Variants in KATNA1 observed in about 807,000 individuals in gnomAD.
KATNA1 encodes katanin p60 ATPase-containing subunit A1.
Under a neutral mutation model 62.6 loss-of-function variants are expected in KATNA1, and 42 were observed. That is an observed-to-expected ratio of 0.67 (90% CI 0.52 to 0.87). The LOEUF is 0.87. Ranked by LOEUF, KATNA1 falls within the 40% of genes least tolerant of loss-of-function variation. The pLI, the probability that KATNA1 is intolerant of heterozygous loss-of-function variation, is 0.00. For synonymous variants in KATNA1, 186 were observed against 201.9 expected, an observed-to-expected ratio of 0.92 and a Z score of 0.67; for missense variants, 498 against 612.5, an observed-to-expected ratio of 0.81 and a Z score of 1.97.
At chr6:149,597,335 C>A in intron 9 of KATNA1, 146 bp from the exon 10 acceptor site, 1 of 1,212,430 alleles carries the variant, frequency 8.2e-7, no homozygotes, top group Non-Finnish European at 1.1e-6. Context: ...CCATTCTTTA[C>A]TTTTTAATTC....
chr6:149,639,835 T>C (rs1279966127), intron 1 of KATNA1, among the ~76,000 whole-genome samples: 1 of 152,190 alleles, frequency 6.6e-6, no homozygotes, highest in Non-Finnish European at 1.5e-5. Flanking sequence ...ATATGTCTTA[T>C]CTCTAGTAGA....
At chr6:149,614,987 G>A (rs1779106966) in intron 4 of KATNA1, among the ~76,000 whole-genome samples, 1 of 151,740 alleles carries the variant, frequency 6.6e-6, no homozygotes, top group Non-Finnish European at 1.5e-5. Flanking sequence ...ACAAAAATTA[G>A]CCAGGTGTGG....
chr6:149,599,136 A>C (rs1433003326), intron 7 of KATNA1, among the ~76,000 whole-genome samples: 2 of 152,150 alleles, frequency 1.3e-5, no homozygotes, highest in Admixed American at 1.3e-4. Flanking sequence ...AAATGCTAGG[A>C]TTACAATGAG....
At chr6:149,610,946 G>T (rs1454832894) in intron 4 of KATNA1, among the ~76,000 whole-genome samples, 1 of 152,174 alleles carries the variant, frequency 6.6e-6, no homozygotes, top group Non-Finnish European at 1.5e-5. Flanking sequence ...CTAGCCGGGC[G>T]TGGTGTTCCA....
chr6:149,615,132 C>CAAAAAAAAAAAAAAAAAAA (rs893824279), intron 4 of KATNA1, among the ~76,000 whole-genome samples: 3 of 45,644 alleles, frequency 6.6e-5, no homozygotes, highest in African/African-American at 2.4e-4. Context: ...GACTCTGTCT[C>CAAAAAAAAAAAAAAAAAAA]AAAAAAAAAA....
chr6:149,625,308 C>G (rs1373453791), intron 3 of KATNA1, among the ~76,000 whole-genome samples: 2 of 152,124 alleles, frequency 1.3e-5, no homozygotes, highest in Non-Finnish European at 2.9e-5. Flanking sequence ...AAGGGAGTAA[C>G]AATGAGAAGA....
intron 10 of KATNA1, 43 bp from the exon 11 acceptor site, chr6:149,595,277 C>A: frequency 6.5e-7 from 1 of 1,539,536 alleles, no homozygotes; most frequent in South Asian, 1.2e-5. Context: ...CACAATGTTA[C>A]TTTGGTTAAA....
At chr6:149,632,217 C>G (rs1311484192) in intron 3 of KATNA1, among the ~76,000 whole-genome samples, 1 of 151,794 alleles carries the variant, frequency 6.6e-6, no homozygotes, top group East Asian at 1.9e-4. Context: ...CATGGTGAAA[C>G]CCCGTCTCTA....
At chr6:149,626,898 C>T (rs1779633740) in intron 3 of KATNA1, among the ~76,000 whole-genome samples, 1 of 151,656 alleles carries the variant, frequency 6.6e-6, no homozygotes, top group Non-Finnish European at 1.5e-5. Flanking sequence ...GCGGAAGAAT[C>T]GCTTGAACCC....
At chr6:149,637,984 T>G (rs920827917) in intron 2 of KATNA1, among the ~76,000 whole-genome samples, 1 of 152,188 alleles carries the variant, frequency 6.6e-6, no homozygotes, top group Non-Finnish European at 1.5e-5. Flanking sequence ...TTGTTTTGTT[T>G]TTTATTTTTG....
Position 149,608,922 on chromosome 6 carries a change from G to A in KATNA1, c.502-4140C>T, listed in dbSNP as rs145963640. Among the ~76,000 whole-genome samples, 118 of 152,294 alleles carry A rather than the reference G, an allele frequency of 7.7e-4. 1 individual carries two copies. Among genetic ancestry groups the A allele is most frequent in the African/African-American group, 2.7e-3 (112 of 41,560 alleles). On this transcript the variant is annotated intron_variant, in intron 4 of 10. Coordinates refer to ENST00000367411, the MANE Select transcript of KATNA1 (RefSeq NM_007044.4). ...ACCCCAATCTCTCTGCCAGAGCAAT[G>A]TTAGGAAAAATCAGCTAAACAGAAG... is the stretch of plus-strand genomic sequence containing the variant.
In KATNA1 at chr6:149,638,488, T is replaced by G. The variant is rs1158266652; in HGVS notation, c.60A>C (p.Gly20=). Residue 20 remains glycine, a synonymous_variant, in exon 2 of 11, where the codon GGA becomes GGC. Transcript: ENST00000367411. ...AATAGACCATCGCAGAGTCATAGTT[T>G]CCCAGCAATGCATATTCACGAGCCA... is the stretch of plus-strand genomic sequence containing the variant. The part of the protein sequence containing the change: ...VKLAREYALL[G]NYDSAMVYYQ... 1 of 1,613,708 alleles carries G rather than the reference T, an allele frequency of 6.2e-7. No individual in the cohort carries two copies. Among genetic ancestry groups the G allele is most frequent in the South Asian group, 1.1e-5 (1 of 91,074 alleles).
intron 3 of KATNA1, among the ~76,000 whole-genome samples, chr6:149,626,835 T>C (rs1323020012): frequency 6.6e-6 from 1 of 150,498 alleles, no homozygotes; most frequent in Non-Finnish European, 1.5e-5. Context: ...AATACAAAAA[T>C]TAGCCTGGCC....
intron 4 of KATNA1, among the ~76,000 whole-genome samples, chr6:149,606,775 T>A (rs576629227): frequency 6.6e-6 from 1 of 152,078 alleles, no homozygotes; most frequent in African/African-American, 2.4e-5. Flanking sequence ...TGTACCACCA[T>A]GCCTGGCTAA....
intron 4 of KATNA1, among the ~76,000 whole-genome samples, chr6:149,606,364 G>C (rs1458790298): frequency 6.6e-6 from 1 of 152,108 alleles, no homozygotes; most frequent in Non-Finnish European, 1.5e-5. Flanking sequence ...ATGAAGCCCT[G>C]CATTAGGGTA....
chr6:149,632,372 T>TA (rs11441223), intron 3 of KATNA1, among the ~76,000 whole-genome samples: 61,786 of 133,312 alleles, frequency 0.46, 14,484 homozygotes, highest in East Asian at 0.8. Context: ...AGACTCTGTC[T>TA]AAAAAAAAAA....
In KATNA1 at chr6:149,601,746, G is replaced by C; in HGVS notation, c.736C>G (p.Leu246Val). The C allele has an allele frequency of 1.3e-6, 2 of 1,594,518 alleles. No individual in the cohort carries two copies. The highest frequency in any genetic ancestry group is 1.7e-6 in the Non-Finnish European group (2 of 1,171,696). The stretch of plus-strand genomic sequence containing the variant: ...CCCGTGCCAGGTGGGCCGACCATCA[G>C]TACTCCCTGTTGCGAATATAATAGC... Reference protein sequence around the residue: ...KGIRRPWKGVLMVGPPGTGKT... With the variant: ...KGIRRPWKGVVMVGPPGTGKT... The change falls in exon 7 of 11, where the codon CTG becomes GTG. Residue 246 changes from leucine to valine, a missense_variant. Around this residue, in one of 3 missense-constraint regions of KATNA1, gnomAD observed 267 missense variants for 372.6 expected, o/e 0.72. Coordinates refer to ENST00000367411, the MANE Select transcript of KATNA1 (RefSeq NM_007044.4).
intron 4 of KATNA1, among the ~76,000 whole-genome samples, chr6:149,613,372 A>G (rs1318268707): frequency 1.3e-5 from 2 of 151,966 alleles, no homozygotes; most frequent in Non-Finnish European, 2.9e-5. Flanking sequence ...GTTCTAGCCA[A>G]TGCAATAAGG....
At chr6:149,626,312 T>TTTTTTTTTTTG (rs1779606276) in intron 3 of KATNA1, among the ~76,000 whole-genome samples, 1 of 139,798 alleles carries the variant, frequency 7.2e-6, no homozygotes, top group African/African-American at 2.7e-5. Flanking sequence ...TTTTTTTTTT[T>TTTTTTTTTTTG]GAGACGGAGT....
Sources: gnomAD v4.1 joint callset for allele counts (sites outside exome capture counted in the v4.1 genomes callset) on GRCh38, gnomAD v4.1.1 for gene constraint, gnomAD v4.1.1 regional missense constraint, MANE v1.5 for transcripts, NCBI Gene and HGNC (gene_info 2026-07-23, HGNC 2026-07-21) for gene names.